The following ANKRD33B variants were observed in gnomAD, a reference collection of about 807,000 sequenced individuals.
ANKRD33B encodes ankyrin repeat domain 33B, also known as ankyrin repeat domain-containing protein 33B.
A neutral mutation model predicts 21.5 loss-of-function variants in ANKRD33B; 6 were observed. The observed-to-expected ratio is 0.28, with a 90% CI of 0.15 to 0.55. ANKRD33B has a LOEUF of 0.55. Among genes scored for constraint, ANKRD33B ranks in the 20% least tolerant of loss-of-function variants. The pLI is 0.94. For synonymous variants in ANKRD33B, 347 were observed against 342.4 expected, an observed-to-expected ratio of 1.01 and a Z score of -0.15; for missense variants, 698 against 747.2, an observed-to-expected ratio of 0.93 and a Z score of 0.77.
chr5:10,568,692 G>A (rs181060058), intron 1 of ANKRD33B, among the ~76,000 whole-genome samples: 2 of 152,172 alleles, frequency 1.3e-5, no homozygotes, highest in Admixed American at 6.5e-5. Context: ...GCGCCACCAC[G>A]CCCGGCTAAT....
At position 10,579,680 on chromosome 5, in the gene ANKRD33B, G is replaced by C. The variant is rs147619721; in HGVS notation, c.366+14847G>C. Reference sequence around the variant, plus strand: ...GAGTAGTATTAAATGATTAAAATAAGTAGTCACGGGATGACTAGGAACAGA... The same window carrying C: ...GAGTAGTATTAAATGATTAAAATAACTAGTCACGGGATGACTAGGAACAGA... On this transcript the variant is annotated intron_variant, in intron 1 of 3. Transcript: ENST00000296657. Among the ~76,000 whole-genome samples the C allele has an allele frequency of 2.2e-4, 34 of 152,058 alleles. No homozygotes were observed. The East Asian group carries it at 5.4e-3, about 24-fold the overall frequency.
intron 2 of ANKRD33B, among the ~76,000 whole-genome samples, chr5:10,630,634 G>A (rs755464221): frequency 7.2e-5 from 11 of 152,136 alleles, no homozygotes; most frequent in Non-Finnish European, 1.0e-4. Flanking sequence ...GGGAGCCTTC[G>A]GAATGAAAAC....
At position 10,640,114 on chromosome 5, in the gene ANKRD33B, G is replaced by A. The variant is rs575054602; in HGVS notation, c.637+1946G>A. Among the ~76,000 whole-genome samples the A allele has an allele frequency of 2.0e-4, 24 of 121,300 alleles. 2 individuals are homozygous for A. In the East Asian group the frequency reaches 3.9e-3, roughly 20 times the overall value. The allele number at this position is 121,300 out of a possible 152,430, so 79.6% of individuals were successfully genotyped here. ...TTAGCGGGTGACGTGGAGTTGCGCG[G>A]TGATGTTAGCGGGTGACGTGGAGTT... On this transcript the variant is annotated intron_variant, in intron 3 of 3. Transcript: ENST00000296657.
intron 1 of ANKRD33B, among the ~76,000 whole-genome samples, chr5:10,590,770 C>T (rs1184069272): frequency 6.6e-6 from 1 of 152,198 alleles, no homozygotes; most frequent in African/African-American, 2.4e-5. Flanking sequence ...GCTCCTCCTA[C>T]CCTTCACTAC....
At position 10,619,061 on chromosome 5, in the gene ANKRD33B, C is replaced by T. The variant is rs1736353995; in HGVS notation, c.496+599C>T. Among the ~76,000 whole-genome samples, 1 of 152,192 alleles carries T rather than the reference C, an allele frequency of 6.6e-6. No homozygotes were observed. Among genetic ancestry groups the T allele is most frequent in the Non-Finnish European group, 1.5e-5 (1 of 68,038 alleles). ...TATTGCCAAGTGCATTGCGACTCTC[C>T]TGCTTTGGAACTGTATCCAGACATT... On this transcript the variant is annotated intron_variant, in intron 2 of 3. Transcript: ENST00000296657. This position sits in a 1 kb window ranked among gnomAD's most constrained non-coding sequence, Gnocchi z 4.5.
intron 1 of ANKRD33B, among the ~76,000 whole-genome samples, chr5:10,610,810 C>G (rs919008969): frequency 6.6e-6 from 1 of 152,126 alleles, no homozygotes; most frequent in African/African-American, 2.4e-5. Context: ...TTTGGGAGGC[C>G]GAGGTGGGTG....
At chr5:10,617,836 G>A (rs547881950) in intron 1 of ANKRD33B, among the ~76,000 whole-genome samples, 90 of 152,306 alleles carry the variant, frequency 5.9e-4, no homozygotes, top group African/African-American at 2.1e-3. Context: ...CCTTGCTTGA[G>A]CTGTTTCCTC....
intron 1 of ANKRD33B, among the ~76,000 whole-genome samples, chr5:10,565,138 C>T (rs1042659710): frequency 6.6e-6 from 1 of 152,248 alleles, no homozygotes; most frequent in African/African-American, 2.4e-5. Flanking sequence ...TGACTGAATT[C>T]GCGCTGGCTG....
rs117249308 is a variant in ANKRD33B at position 10,569,136 on chromosome 5, C to T, written c.366+4303C>T. The stretch of plus-strand genomic sequence containing the variant: ...GAATCCAGTTATTGCAACAGCCCTC[C>T]GTCTTTACCAGGCCTCGGTGCTCAT... On this transcript the variant is annotated intron_variant, in intron 1 of 3. Coordinates refer to ENST00000296657, the MANE Select transcript of ANKRD33B (RefSeq NM_001164440.2). Among the ~76,000 whole-genome samples the T allele has an allele frequency of 1.3e-4, 20 of 152,276 alleles. No homozygotes were observed. The East Asian group carries it at 3.9e-3, about 29-fold the overall frequency.
intron 1 of ANKRD33B, among the ~76,000 whole-genome samples, chr5:10,575,551 C>T (rs539817620): frequency 6.6e-5 from 10 of 152,146 alleles, no homozygotes; most frequent in South Asian, 2.1e-4. Flanking sequence ...GTAAATATGA[C>T]GGGCAGAGTC....
At chr5:10,604,939 GAA>G (rs1345616725) in intron 1 of ANKRD33B, among the ~76,000 whole-genome samples, 1 of 152,180 alleles carries the variant, frequency 6.6e-6, no homozygotes, top group African/African-American at 2.4e-5. Context: ...TATGGCTCGG[GAA>G]TGTGGGAACC....
At position 10,654,251 on chromosome 5, in the gene ANKRD33B, C is replaced by G. The variant is rs776094244; in HGVS notation, c.*4138C>G. 6.6e-6 allele frequency: 1 copy of G among 152,426 alleles called. No individual in the cohort carries two copies. The highest frequency in any genetic ancestry group is 6.5e-5 in the Admixed American group (1 of 15,284). The allele number at this position is 152,426 out of a possible 1,614,324, so 9.4% of individuals were successfully genotyped here. On this transcript the variant is annotated 3_prime_UTR_variant, in exon 4 of 4. Coordinates refer to ENST00000296657, the MANE Select transcript of ANKRD33B (RefSeq NM_001164440.2). ...CTACACGGCTGTGCCTCTCCCACCC[C>G]GTCCTCTTTGCTCGGAAGGGAGACC... is the stretch of plus-strand genomic sequence containing the variant.
At chr5:10,627,672 C>T (rs921489375) in intron 2 of ANKRD33B, among the ~76,000 whole-genome samples, 1 of 152,246 alleles carries the variant, frequency 6.6e-6, no homozygotes, top group African/African-American at 2.4e-5. Context: ...TAGCAGTGCA[C>T]ACGATCACGA....
At chr5:10,621,733 T>A (rs571850554) in intron 2 of ANKRD33B, among the ~76,000 whole-genome samples, 1 of 152,372 alleles carries the variant, frequency 6.6e-6, no homozygotes, top group East Asian at 1.9e-4. Flanking sequence ...GTTAATATCC[T>A]ATAAGGCAAT....
rs1338574729 is a variant in ANKRD33B at position 10,657,601 on chromosome 5, A to C, written c.*7488A>C. The stretch of plus-strand genomic sequence containing the variant: ...CCTCAGGGCTATTTTGGGACCTACA[A>C]ATAAATGTGATTCCCAGCAGCTTCA... On this transcript the variant is annotated 3_prime_UTR_variant, in exon 4 of 4. Coordinates refer to ENST00000296657, the MANE Select transcript of ANKRD33B (RefSeq NM_001164440.2). 1 of 152,364 alleles carries C rather than the reference A, an allele frequency of 6.6e-6. No individual in the cohort carries two copies. Among genetic ancestry groups the C allele is most frequent in the Admixed American group, 6.5e-5 (1 of 15,284 alleles). The allele number at this position is 152,364 out of a possible 1,614,324, so 9.4% of individuals were successfully genotyped here.
At position 10,652,428 on chromosome 5, in the gene ANKRD33B, A is replaced by G. The variant is rs1737381274; in HGVS notation, c.*2315A>G. On this transcript the variant is annotated 3_prime_UTR_variant, in exon 4 of 4. Transcript: ENST00000296657. The surrounding 1 kb of genome is among the most constrained non-coding windows in gnomAD (Gnocchi z 4.1). ...ACCTCCCCAAGAATGTCTCATTGTC[A>G]TTGGAACAGCCAGGGTCAGGCAGCT... is the stretch of plus-strand genomic sequence containing the variant. 6.6e-6 allele frequency: 1 copy of G among 152,496 alleles called. No homozygotes were observed. The highest frequency in any genetic ancestry group is 2.1e-4 in the South Asian group (1 of 4,844). The allele number at this position is 152,496 out of a possible 1,614,324, so 9.4% of individuals were successfully genotyped here. A position where few individuals can be genotyped will look rare whatever the true frequency, so the allele number is the denominator to read the frequency against.
At chr5:10,645,212 G>C (rs1737165466) in intron 3 of ANKRD33B, among the ~76,000 whole-genome samples, 1 of 152,220 alleles carries the variant, frequency 6.6e-6, no homozygotes, top group Admixed American at 6.5e-5. Flanking sequence ...TGGCACAAGG[G>C]GAGGCAGTGA....
intron 1 of ANKRD33B, among the ~76,000 whole-genome samples, chr5:10,585,259 G>A (rs887858101): frequency 6.6e-6 from 1 of 152,194 alleles, no homozygotes; most frequent in Non-Finnish European, 1.5e-5. Flanking sequence ...TGGTGAGCTC[G>A]TCTCTTACAT....
intron 1 of ANKRD33B, among the ~76,000 whole-genome samples, chr5:10,573,981 A>T (rs1735260782): frequency 6.6e-6 from 1 of 151,466 alleles, no homozygotes; most frequent in Admixed American, 6.6e-5. Flanking sequence ...ATACCCCTCC[A>T]CTCCCCATCA....
Sources: allele counts gnomAD v4.1 joint callset (sites outside exome capture counted in the v4.1 genomes callset), GRCh38; gene constraint gnomAD v4.1.1; non-coding constraint Gnocchi (gnomAD v3.1); transcripts MANE v1.5; gene names NCBI Gene and HGNC (gene_info 2026-07-23, HGNC 2026-07-21).